PRDM6: variants seen among roughly 807,000 people sequenced by gnomAD.
PRDM6 encodes the protein putative histone-lysine N-methyltransferase PRDM6.
PRDM6 carries 25 observed loss-of-function variants against 60.8 expected under a neutral mutation model. The ratio of observed to expected loss-of-function variants is 0.41; its 90% CI spans 0.30 to 0.57. The LOEUF (loss-of-function observed/expected upper bound fraction) is 0.57, where lower values mean the gene tolerates loss of function less well. Ranked by LOEUF, PRDM6 falls within the 20% of genes least tolerant of loss-of-function variation. The pLI is 0.27. For missense variants in PRDM6, 839 were observed against 821.3 expected, an observed-to-expected ratio of 1.02 and a Z score of -0.26; for synonymous variants, 407 against 357.4, an observed-to-expected ratio of 1.14 and a Z score of -1.57.
At chr5:123,171,362 A>G (rs1765887091) in intron 6 of PRDM6, among the ~76,000 whole-genome samples, 1 of 152,210 alleles carries the variant, frequency 6.6e-6, no homozygotes, top group African/African-American at 2.4e-5. Flanking sequence ...AAGAGAGAGA[A>G]ATAGAAGGAA....
At chr5:123,095,667 G>C (rs335179) in intron 2 of PRDM6, among the ~76,000 whole-genome samples, 34,396 of 152,266 alleles carry the variant, frequency 0.23, 4,092 homozygotes, top group Non-Finnish European at 0.26. Flanking sequence ...GGTGGATAGT[G>C]GCGCCCAGGC....
rs527476062 is a variant in PRDM6, at chr5:123,136,686, A to G, written c.901-19198A>G. Among the ~76,000 whole-genome samples the G allele has an allele frequency of 2.0e-5, 3 of 152,284 alleles. No homozygotes were observed. The East Asian group carries it at 5.8e-4, about 29-fold the overall frequency. ...TTTTTAATTTGCCGATGGTGGTAGA[A>G]AAAGGTTTAATAGAGGTGATTTTAT... On this transcript the variant is annotated intron_variant, in intron 3 of 7. Coordinates refer to ENST00000407847, the MANE Select transcript of PRDM6 (RefSeq NM_001136239.4).
intron 3 of PRDM6, among the ~76,000 whole-genome samples, chr5:123,142,877 C>CAAAAAAAAAAAAA: frequency 5.1e-4 from 14 of 27,368 alleles, no homozygotes; most frequent in Non-Finnish European, 7.1e-4. Context: ...CAGTGAAGAC[C>CAAAAAAAAAAAAA]AAAAAAAAAA....
At chr5:123,151,910 T>C (rs1408794109) in intron 3 of PRDM6, among the ~76,000 whole-genome samples, 1 of 152,076 alleles carries the variant, frequency 6.6e-6, no homozygotes, top group Non-Finnish European at 1.5e-5. Flanking sequence ...TATAGTGGAA[T>C]TACATTTAAG....
Position 123,099,095 on chromosome 5 carries a change from G to T in PRDM6, c.593-559G>T, listed in dbSNP as rs1053664915. On this transcript the variant is annotated intron_variant, in intron 2 of 7. Transcript: ENST00000407847. The surrounding 1 kb of genome is among the most constrained non-coding windows in gnomAD (Gnocchi z 4.0). ...CCGCCCCGTCTGGTGATTTTAAATC[G>T]TCTCCTGTGTAATTGTAAAAAGAGG... Among the ~76,000 whole-genome samples, 3 of 152,176 alleles carry T rather than the reference G, an allele frequency of 2.0e-5. No homozygotes were observed. The highest frequency in any genetic ancestry group is 6.5e-5 in the Admixed American group (1 of 15,278).
At chr5:123,177,255 A>C (rs1225575848) in intron 6 of PRDM6, among the ~76,000 whole-genome samples, 4 of 152,198 alleles carry the variant, frequency 2.6e-5, no homozygotes, top group African/African-American at 9.7e-5. Context: ...AAATATTGAA[A>C]ATACAAGAAA....
intron 6 of PRDM6, among the ~76,000 whole-genome samples, chr5:123,176,077 G>A (rs1044278052): frequency 5.3e-5 from 8 of 152,026 alleles, no homozygotes; most frequent in African/African-American, 1.9e-4. Context: ...GTATTTCTGT[G>A]TCAGAACTAG....
chr5:123,183,083 C>CT (rs879477022), intron 7 of PRDM6, among the ~76,000 whole-genome samples: 131 of 151,866 alleles, frequency 8.6e-4, no homozygotes, highest in Admixed American at 2.0e-3. Flanking sequence ...TTTTAAAAAC[C>CT]TTTTTTTTGC....
chr5:123,193,774 A>G lies in PRDM6; in HGVS notation c.*6573A>G, dbSNP rs1766475124. On this transcript the variant is annotated 3_prime_UTR_variant, in exon 8 of 8. Coordinates refer to ENST00000407847, the MANE Select transcript of PRDM6 (RefSeq NM_001136239.4). ...AATAGAAGTGTGATATTTAGATGCT[A>G]TTAGGACATTGTATACATTTCTTTA... The G allele has an allele frequency of 6.6e-6, 1 of 152,220 alleles. No individual in the cohort carries two copies. The highest frequency in any genetic ancestry group is 2.4e-5 in the African/African-American group (1 of 41,466). 9.4% of individuals were successfully genotyped at this position (152,220 alleles called of 1,614,324 possible).
chr5:123,138,345 T>C (rs1462674377), intron 3 of PRDM6, among the ~76,000 whole-genome samples: 3 of 152,210 alleles, frequency 2.0e-5, no homozygotes, highest in Admixed American at 6.5e-5. Flanking sequence ...AAGACAGATA[T>C]GAAAACCAAA....
chr5:123,183,286 G>A (rs1363921853), intron 7 of PRDM6, among the ~76,000 whole-genome samples: 7 of 152,086 alleles, frequency 4.6e-5, no homozygotes, highest in African/African-American at 1.7e-4. Flanking sequence ...ACCCATCCAG[G>A]GCTCAGGAGG....
chr5:123,175,504 G>C (rs904456481), intron 6 of PRDM6, among the ~76,000 whole-genome samples: 1 of 152,180 alleles, frequency 6.6e-6, no homozygotes, highest in Admixed American at 6.5e-5. Context: ...CATCCCCCAA[G>C]TGTGAAGGTT....
intron 6 of PRDM6, among the ~76,000 whole-genome samples, chr5:123,178,426 C>T (rs335178): frequency 0.83 from 125,631 of 152,158 alleles, 52,345 homozygotes; most frequent in African/African-American, 0.92. Context: ...GGAACCCTTT[C>T]AAGTTTAATG....
chr5:123,128,776 T>A (rs974147480), intron 3 of PRDM6, among the ~76,000 whole-genome samples: 1 of 152,230 alleles, frequency 6.6e-6, no homozygotes, highest in African/African-American at 2.4e-5. Flanking sequence ...TTTAATTAGA[T>A]CCCATTTGTC....
intron 6 of PRDM6, among the ~76,000 whole-genome samples, chr5:123,178,457 C>A (rs893627231): frequency 6.6e-6 from 1 of 152,096 alleles, no homozygotes; most frequent in East Asian, 1.9e-4. Context: ...AGAACAGATT[C>A]GGCAGGAGGA....
At chr5:123,138,765 G>C (rs1386156009) in intron 3 of PRDM6, among the ~76,000 whole-genome samples, 1 of 152,148 alleles carries the variant, frequency 6.6e-6, no homozygotes, top group African/African-American at 2.4e-5. Flanking sequence ...TCTTTTTGAA[G>C]GCATAGAAAG....
At chr5:123,139,325 G>T (rs1406712728) in intron 3 of PRDM6, among the ~76,000 whole-genome samples, 3 of 151,902 alleles carry the variant, frequency 2.0e-5, no homozygotes, top group Non-Finnish European at 4.4e-5. Flanking sequence ...TAAAGTAGAG[G>T]TCTAAACTGG....
At chr5:123,119,415 C>T (rs969137607) in intron 3 of PRDM6, among the ~76,000 whole-genome samples, 2 of 152,154 alleles carry the variant, frequency 1.3e-5, no homozygotes, top group Admixed American at 6.5e-5. Context: ...TCCTGAAAGC[C>T]GCTGGTGCTC....
At position 123,137,395 on chromosome 5, in the gene PRDM6, A is replaced by G. The variant is rs1007056126; in HGVS notation, c.901-18489A>G. The stretch of plus-strand genomic sequence containing the variant: ...GCAAGTCAGGAAGTCCTTAGAGCTT[A>G]AAATTACTCACCCTCTAGCACACAT... On this transcript the variant is annotated intron_variant, in intron 3 of 7. Coordinates refer to ENST00000407847, the MANE Select transcript of PRDM6 (RefSeq NM_001136239.4). Among the ~76,000 whole-genome samples, 5 of 152,226 alleles carry G rather than the reference A, an allele frequency of 3.3e-5. No homozygotes were observed. In the East Asian group the frequency reaches 7.7e-4, roughly 23 times the overall value.
Sources: allele counts gnomAD v4.1 joint callset (sites outside exome capture counted in the v4.1 genomes callset), GRCh38; gene constraint gnomAD v4.1.1; non-coding constraint Gnocchi (gnomAD v3.1); transcripts MANE v1.5; gene names NCBI Gene and HGNC (gene_info 2026-07-23, HGNC 2026-07-21).